PLXNC1: variants seen among roughly 807,000 people sequenced by gnomAD.
The protein encoded by PLXNC1 is plexin-C1.
In PLXNC1, 75 loss-of-function variants were observed where a neutral mutation model predicts 178.2. That is an observed-to-expected ratio of 0.42 (90% CI 0.35 to 0.51). The LOEUF is 0.51. PLXNC1 is among the 20% of genes least tolerant of loss of function. The pLI is 0.02. For missense variants in PLXNC1, 1,503 were observed against 1,984.4 expected, an observed-to-expected ratio of 0.76 and a Z score of 4.61; for synonymous variants, 790 against 779.9, an observed-to-expected ratio of 1.01 and a Z score of -0.22.
intron 21 of PLXNC1, chr12:94,277,658 T>G (rs571779823): frequency 6.4e-6 from 2 of 313,828 alleles, no homozygotes; most frequent in South Asian, 5.3e-5. Context: ...GCTGGCAGCC[T>G]CCTCCTTATT....
intron 6 of PLXNC1, 89 bp from the exon 7 acceptor site, chr12:94,224,139 C>G (rs1377679940): frequency 1.2e-6 from 1 of 838,340 alleles, no homozygotes; most frequent in Non-Finnish European, 2.1e-6. Context: ...GCAGAGGAAG[C>G]AAAAATATTT....
chr12:94,157,881 G>T (rs1961233365), intron 1 of PLXNC1, among the ~76,000 whole-genome samples: 1 of 152,312 alleles, frequency 6.6e-6, no homozygotes, highest in East Asian at 1.9e-4. Context: ...GTAGGGCTGT[G>T]TTCCATTAAA....
At chr12:94,284,292 G>A (rs889102365) in intron 23 of PLXNC1, among the ~76,000 whole-genome samples, 3 of 152,108 alleles carry the variant, frequency 2.0e-5, no homozygotes, top group African/African-American at 7.2e-5. Flanking sequence ...AGGCAAGAAG[G>A]TGGTTTTGGG....
At chr12:94,223,863 T>G (rs1194090198) in intron 6 of PLXNC1, among the ~76,000 whole-genome samples, 3 of 152,228 alleles carry the variant, frequency 2.0e-5, no homozygotes, top group Non-Finnish European at 2.9e-5. Context: ...TTCTAGGCAC[T>G]TCTTGCTCGG....
chr12:94,176,776 C>A (rs1038079429), intron 2 of PLXNC1, among the ~76,000 whole-genome samples: 1 of 151,840 alleles, frequency 6.6e-6, no homozygotes, highest in Non-Finnish European at 1.5e-5. Flanking sequence ...TATTCTTCCT[C>A]CCTTTTGTTG....
At chr12:94,150,140 G>A (rs980259428) in intron 1 of PLXNC1, 107 bp downstream of exon 1, 4 of 949,920 alleles carry the variant, frequency 4.2e-6, no homozygotes, top group South Asian at 3.5e-5. Flanking sequence ...GGGTACAGCC[G>A]GGTGACATTT....
chr12:94,304,242 C>A, intron 30 of PLXNC1, 191 bp downstream of exon 30: 1 of 485,724 alleles, frequency 2.1e-6, no homozygotes, highest in Non-Finnish European at 3.7e-6. Flanking sequence ...ACAGTTTTAT[C>A]ATGCTGCCCA....
At chr12:94,257,713 T>C (rs1182012927) in intron 17 of PLXNC1, among the ~76,000 whole-genome samples, 1 of 151,582 alleles carries the variant, frequency 6.6e-6, no homozygotes, top group Non-Finnish European at 1.5e-5. Context: ...AAGACCATCC[T>C]GGCTAACACA....
chr12:94,209,553 C>A, intron 4 of PLXNC1, 37 bp from the exon 5 acceptor site: 2 of 1,224,190 alleles, frequency 1.6e-6, no homozygotes, highest in Non-Finnish European at 2.4e-6. Context: ...AACTAACACA[C>A]GTATGGGGTC....
At chr12:94,268,315 T>A (rs1301585310) in intron 21 of PLXNC1, among the ~76,000 whole-genome samples, 1 of 152,192 alleles carries the variant, frequency 6.6e-6, no homozygotes, top group Non-Finnish European at 1.5e-5. Context: ...GAAGTAATGT[T>A]CTCTTCTTGC....
intron 4 of PLXNC1, among the ~76,000 whole-genome samples, chr12:94,209,255 G>T (rs1160026172): frequency 6.6e-6 from 1 of 152,132 alleles, no homozygotes; most frequent in Non-Finnish European, 1.5e-5. Context: ...TTCTAAAAGG[G>T]AGCTCCCTAT....
At chr12:94,230,383 G>T (rs1345981498) in intron 9 of PLXNC1, among the ~76,000 whole-genome samples, 2 of 152,120 alleles carry the variant, frequency 1.3e-5, no homozygotes, top group Admixed American at 6.5e-5. Flanking sequence ...GTTTCCTGCA[G>T]TGTATCTCTC....
intron 7 of PLXNC1, 200 bp from the exon 8 acceptor site, chr12:94,226,404 AC>A (rs1963939778): frequency 7.9e-6 from 4 of 505,570 alleles, no homozygotes; most frequent in Non-Finnish European, 1.4e-5. Context: ...CCATGGCAAC[AC>A]CCCTGCAGGT....
rs1271570748 is a variant in PLXNC1, at chr12:94,177,225, ATATACATATATATATATATATATATATG to A, written c.1204-4216_1204-4189del. On this transcript the variant is annotated intron_variant, in intron 2 of 30. Coordinates refer to ENST00000258526, the MANE Select transcript of PLXNC1 (RefSeq NM_005761.3). ...CGTATATATATATGTGTGTGTATAT[ATATACATATATATATATATATATATATG>A]TATATATATATGAGGGGCTGCAGGG... 9.3e-4 allele frequency among the ~76,000 whole-genome samples: 35 copies of A among 37,436 alleles called. 2 individuals carry two copies. In the East Asian group the frequency reaches 0.03, roughly 32 times the overall value. 24.6% of individuals were successfully genotyped at this position (37,436 alleles called of 152,430 possible). A position where few individuals can be genotyped will look rare whatever the true frequency, so the allele number is the denominator to read the frequency against.
chr12:94,303,251 T>G (rs1476892582), intron 28 of PLXNC1, among the ~76,000 whole-genome samples: 1 of 152,160 alleles, frequency 6.6e-6, no homozygotes, highest in African/African-American at 2.4e-5. Context: ...GTCTATAATC[T>G]AATGAAATAA....
chr12:94,157,450 C>G (rs1232924267), intron 1 of PLXNC1, among the ~76,000 whole-genome samples: 1 of 152,170 alleles, frequency 6.6e-6, no homozygotes, highest in African/African-American at 2.4e-5. Flanking sequence ...CTAACCTGTT[C>G]ATCAAAGTGG....
chr12:94,262,555 A>C (rs1318514872), intron 20 of PLXNC1: 1 of 985,268 alleles, frequency 1.0e-6, no homozygotes, highest in Non-Finnish European at 1.2e-6. Context: ...GAGCACTCTG[A>C]GTGGTGAGGG....
chr12:94,303,617 G>A (rs1968687146), intron 28 of PLXNC1, 139 bp from the exon 29 acceptor site: 1 of 648,628 alleles, frequency 1.5e-6, no homozygotes, highest in African/African-American at 1.9e-5. Context: ...CCTACTGCAT[G>A]AAGCCTTGTT....
chr12:94,274,491 G>A (rs1965794659), intron 21 of PLXNC1, among the ~76,000 whole-genome samples: 1 of 152,210 alleles, frequency 6.6e-6, no homozygotes, highest in South Asian at 2.1e-4. Flanking sequence ...TAGCAGAGGA[G>A]GGATGGCTGC....
Sources: allele counts gnomAD v4.1 joint callset (sites outside exome capture counted in the v4.1 genomes callset), GRCh38; gene constraint gnomAD v4.1.1; transcripts MANE v1.5; gene names NCBI Gene and HGNC (gene_info 2026-07-23, HGNC 2026-07-21).